The following PRKCH variants were observed in gnomAD, a reference collection of about 807,000 sequenced individuals.
PRKCH encodes the protein protein kinase C eta, also known as protein kinase C eta type.
Under a neutral mutation model 82.5 loss-of-function variants are expected in PRKCH, and 28 were observed. The ratio of observed to expected loss-of-function variants is 0.34; its 90% CI spans 0.25 to 0.47. PRKCH has a LOEUF of 0.47. Among genes scored for constraint, PRKCH ranks in the 20% least tolerant of loss-of-function variants. The pLI is 1.00. For synonymous variants in PRKCH, 322 were observed against 327.4 expected (o/e 0.98, Z 0.18); for missense variants, 705 against 881.8 (o/e 0.80, Z 2.54).
intron 12 of PRKCH, chr14:61,545,296 A>G (rs1212173454): frequency 6.6e-6 from 1 of 152,056 alleles, no homozygotes; most frequent in Non-Finnish European, 1.5e-5. Flanking sequence ...TTGCCTTCCC[A>G]CCACCAGCCC....
chr14:61,540,247 C>G (rs2043165356), intron 12 of PRKCH, among the ~76,000 whole-genome samples: 1 of 152,184 alleles, frequency 6.6e-6, no homozygotes, highest in African/African-American at 2.4e-5. Context: ...AAAAGAATGT[C>G]ACATGAGCCA....
chr14:61,194,713 A>G (rs1214536450), intron 1 of PRKCH, among the ~76,000 whole-genome samples: 1 of 152,182 alleles, frequency 6.6e-6, no homozygotes, highest in Non-Finnish European at 1.5e-5. Flanking sequence ...TATTCTCACA[A>G]AACATCGTCA....
chr14:61,235,007 C>T (rs939738303), intron 1 of PRKCH, among the ~76,000 whole-genome samples: 3 of 152,150 alleles, frequency 2.0e-5, no homozygotes, highest in Non-Finnish European at 4.4e-5. Flanking sequence ...GCTGCATGAC[C>T]CCCGTATCCA....
At chr14:61,468,885 G>T (rs1240337292) in intron 9 of PRKCH, among the ~76,000 whole-genome samples, 1 of 152,180 alleles carries the variant, frequency 6.6e-6, no homozygotes, top group East Asian at 1.9e-4. Context: ...GGTGATGATT[G>T]CTTGGTTATG....
intron 2 of PRKCH, among the ~76,000 whole-genome samples, chr14:61,403,038 C>CT (rs1881732300): frequency 6.6e-6 from 1 of 152,054 alleles, no homozygotes; most frequent in Non-Finnish European, 1.5e-5. Context: ...TCCCCACTAG[C>CT]TGTCTTCTTT....
intron 1 of PRKCH, among the ~76,000 whole-genome samples, chr14:61,282,091 G>A (rs573181393): frequency 3.9e-4 from 59 of 151,886 alleles, no homozygotes; most frequent in African/African-American, 1.4e-3. Context: ...ATGTGATTTC[G>A]TTTTCTTTTC....
intron 1 of PRKCH, among the ~76,000 whole-genome samples, chr14:61,237,361 AT>A (rs2044799108): frequency 6.6e-6 from 1 of 152,194 alleles, no homozygotes; most frequent in African/African-American, 2.4e-5. Flanking sequence ...TCTTTGACAT[AT>A]TTTGAAATGA....
At chr14:61,491,067 C>T (rs1343252951) in intron 10 of PRKCH, among the ~76,000 whole-genome samples, 1 of 152,168 alleles carries the variant, frequency 6.6e-6, no homozygotes, top group African/African-American at 2.4e-5. Flanking sequence ...CCTCCTAGGA[C>T]CTCTCTTACT....
At chr14:61,393,742 G>C (rs1043467876) in intron 2 of PRKCH, among the ~76,000 whole-genome samples, 1 of 152,170 alleles carries the variant, frequency 6.6e-6, no homozygotes, top group Non-Finnish European at 1.5e-5. Flanking sequence ...CATCTGGTAG[G>C]CTTGAATTTT....
rs138446534 is a variant in PRKCH at position 61,458,484 on chromosome 14, G to T, written c.1278+805G>T. ...CCTTGGCATGATAGCATCCAAAGCA[G>T]AAAGCATAAGGGCAGGGGCTGAAGG... On this transcript the variant is annotated intron_variant, in intron 9 of 13. Transcript: ENST00000332981. Among the ~76,000 whole-genome samples, 1,084 of 152,284 alleles carry T rather than the reference G, an allele frequency of 7.1e-3. 16 individuals are homozygous for T. The highest frequency in any genetic ancestry group is 0.025 in the African/African-American group (1,041 of 41,554).
At chr14:61,209,721 T>A (rs2044554854) in intron 1 of PRKCH, among the ~76,000 whole-genome samples, 1 of 152,172 alleles carries the variant, frequency 6.6e-6, no homozygotes, top group Non-Finnish European at 1.5e-5. Context: ...TATAGCTTAA[T>A]GGTGGGGATT....
intron 1 of PRKCH, among the ~76,000 whole-genome samples, chr14:61,208,579 A>T (rs998257262): frequency 1.3e-5 from 2 of 152,200 alleles, no homozygotes; most frequent in African/African-American, 4.8e-5. Flanking sequence ...TATAATTTTA[A>T]AGGTGAAAGT....
intron 1 of PRKCH, among the ~76,000 whole-genome samples, chr14:61,291,908 G>A (rs1044765659): frequency 6.6e-6 from 1 of 152,064 alleles, no homozygotes; most frequent in African/African-American, 2.4e-5. Flanking sequence ...ATTATGGAAA[G>A]GTCAATAAAA....
chr14:61,223,875 C>A (rs1170469627), intron 1 of PRKCH, among the ~76,000 whole-genome samples: 2 of 152,210 alleles, frequency 1.3e-5, no homozygotes, highest in Admixed American at 6.5e-5. Context: ...AACTGGCAAC[C>A]TTACACCCAC....
intron 1 of PRKCH, among the ~76,000 whole-genome samples, chr14:61,259,897 T>C (rs1481454239): frequency 6.6e-6 from 1 of 152,176 alleles, no homozygotes; most frequent in Non-Finnish European, 1.5e-5. Context: ...AGAATATTAA[T>C]CTGGAATCCA....
chr14:61,384,472 C>T (rs2046557519), intron 1 of PRKCH, among the ~76,000 whole-genome samples: 1 of 151,110 alleles, frequency 6.6e-6, no homozygotes, highest in Admixed American at 6.6e-5. Flanking sequence ...TTCTGTGATT[C>T]TTTGGCAAAG....
intron 2 of PRKCH, among the ~76,000 whole-genome samples, chr14:61,406,841 A>AG (rs1881977489): frequency 6.6e-6 from 1 of 152,122 alleles, no homozygotes; most frequent in Non-Finnish European, 1.5e-5. Context: ...AGATTTCATC[A>AG]GTTTTTCCAG....
chr14:61,240,037 T>A (rs1442105925), intron 1 of PRKCH, among the ~76,000 whole-genome samples: 2 of 152,230 alleles, frequency 1.3e-5, no homozygotes, highest in African/African-American at 4.8e-5. Flanking sequence ...ATCTCTAAAT[T>A]TCACTGGAGG....
intron 2 of PRKCH, among the ~76,000 whole-genome samples, chr14:61,432,923 G>GT (rs1555386559): frequency 1.5e-3 from 4 of 2,586 alleles, no homozygotes; most frequent in East Asian, 0.019. Context: ...TAAAAAAAAA[G>GT]TGGGGGGGAT....
Sources: allele counts gnomAD v4.1 joint callset (sites outside exome capture counted in the v4.1 genomes callset), GRCh38; gene constraint gnomAD v4.1.1; transcripts MANE v1.5; gene names NCBI Gene and HGNC (gene_info 2026-07-23, HGNC 2026-07-21).